The following ZFHX3 variants were observed in gnomAD, a reference collection of about 807,000 sequenced individuals.
ZFHX3 encodes zinc finger homeobox 3.
Under a neutral mutation model 279.1 loss-of-function variants are expected in ZFHX3, and 42 were observed. The observed-to-expected ratio is 0.15, with a 90% CI of 0.12 to 0.19. The LOEUF is 0.19. ZFHX3 is among the 10% of genes least tolerant of loss of function. ZFHX3 has a pLI of 1.00. For missense variants in ZFHX3, 4,981 were observed against 4,754.0 expected (o/e 1.05, Z -1.40); for synonymous variants, 2,293 against 1,957.8 (o/e 1.17, Z -4.52).
At chr16:73,527,207 C>T (rs1336997152) in intron 2 of ZFHX3, among the ~76,000 whole-genome samples, 1 of 152,062 alleles carries the variant, frequency 6.6e-6, no homozygotes, top group Non-Finnish European at 1.5e-5. Flanking sequence ...AATCCATCAA[C>T]GTCTATTCAA....
chr16:73,785,349 T>A (rs1416420422), intron 1 of ZFHX3, among the ~76,000 whole-genome samples: 3 of 152,212 alleles, frequency 2.0e-5, no homozygotes, highest in Non-Finnish European at 2.9e-5. Context: ...TTCTTCCACA[T>A]AAATGAATTT....
intron 4 of ZFHX3, among the ~76,000 whole-genome samples, chr16:73,317,939 C>A (rs937257693): frequency 6.6e-6 from 1 of 152,118 alleles, no homozygotes; most frequent in African/African-American, 2.4e-5. Flanking sequence ...GTGATACTGA[C>A]AATTAAGGCA....
intron 8 of ZFHX3, among the ~76,000 whole-genome samples, chr16:73,070,924 G>A (rs934646372): frequency 3.1e-5 from 1 of 31,896 alleles, no homozygotes; most frequent in African/African-American, 8.4e-5. Context: ...TTGCGCGCGC[G>A]CGCGCGCGCG....
intron 1 of ZFHX3, among the ~76,000 whole-genome samples, chr16:73,708,035 T>G (rs543772664): frequency 6.9e-6 from 1 of 145,680 alleles, no homozygotes; most frequent in South Asian, 2.3e-4. Context: ...TTAATCCCTG[T>G]GGTTTTTGTG....
chr16:73,672,152 C>A (rs542346407), intron 2 of ZFHX3, among the ~76,000 whole-genome samples: 1 of 152,124 alleles, frequency 6.6e-6, no homozygotes, highest in South Asian at 2.1e-4. Context: ...CAGATCAAAT[C>A]AATTAGAAAA....
chr16:73,833,969 G>A (rs890224233), intron 1 of ZFHX3, among the ~76,000 whole-genome samples: 1 of 151,850 alleles, frequency 6.6e-6, no homozygotes, highest in African/African-American at 2.4e-5. Context: ...GTTTGAAAAA[G>A]GATGAAGAAA....
intron 3 of ZFHX3, chr16:73,389,377 T>A (rs1192305955): frequency 1.3e-5 from 2 of 152,250 alleles, no homozygotes; most frequent in East Asian, 3.8e-4. Flanking sequence ...AAATGTTTGC[T>A]GCCCTCTAGT....
intron 1 of ZFHX3, among the ~76,000 whole-genome samples, chr16:73,833,447 C>T (rs913772497): frequency 6.6e-6 from 1 of 152,150 alleles, no homozygotes. Context: ...AACTCACAGT[C>T]TTAATCAACT....
intron 2 of ZFHX3, among the ~76,000 whole-genome samples, chr16:73,477,941 C>T (rs1195885519): frequency 6.6e-6 from 1 of 152,148 alleles, no homozygotes; most frequent in Non-Finnish European, 1.5e-5. Context: ...CCCCTCCTGG[C>T]TTATTTTGTT....
intron 4 of ZFHX3, among the ~76,000 whole-genome samples, chr16:72,843,623 A>C (rs2037404472): frequency 6.6e-6 from 1 of 150,876 alleles, no homozygotes; most frequent in Admixed American, 6.6e-5. Flanking sequence ...GCTCGGGGTG[A>C]CGCTTACACA....
chr16:72,840,048 C>T (rs2037306893), intron 4 of ZFHX3, among the ~76,000 whole-genome samples: 1 of 151,964 alleles, frequency 6.6e-6, no homozygotes, highest in African/African-American at 2.4e-5. Flanking sequence ...TTAACAGTTT[C>T]CATTAAAGAA....
rs550929883 is a variant in ZFHX3, at chr16:73,664,138, G to A, written c.-1547+16042C>T. Among the ~76,000 whole-genome samples the A allele has an allele frequency of 2.0e-4, 30 of 152,348 alleles. No homozygotes were observed. The South Asian group carries it at 5.8e-3, about 29-fold the overall frequency. On this transcript the variant is annotated intron_variant, in intron 2 of 17. Transcript: ENST00000641206. Reference sequence around the variant, plus strand: ...TGAGAAAAAGAAAACTCTTTTGCAAGTCAGTTTTCCAAACTGAACCAGGCA... The same window carrying A: ...TGAGAAAAAGAAAACTCTTTTGCAAATCAGTTTTCCAAACTGAACCAGGCA...
rs1343752478 is a variant in ZFHX3, at chr16:72,960,160, G to A, written c.-15C>T. The A allele has an allele frequency of 6.5e-7, 1 of 1,547,064 alleles. No homozygotes were observed. Among genetic ancestry groups the A allele is most frequent in the Non-Finnish European group, 8.7e-7 (1 of 1,144,760 alleles). ...CAGCCTTCCATGGTAAGGCCTGCGTGGAGCTTTCATTGCACCCAGTACGGA... is the reference window on the plus strand; with the variant it reads ...CAGCCTTCCATGGTAAGGCCTGCGTAGAGCTTTCATTGCACCCAGTACGGA... On this transcript the variant is annotated 5_prime_UTR_variant, in exon 2 of 10. Transcript: ENST00000268489.
chr16:73,311,973 C>G (rs895854746), intron 4 of ZFHX3, among the ~76,000 whole-genome samples: 2 of 152,066 alleles, frequency 1.3e-5, no homozygotes, highest in African/African-American at 4.8e-5. Flanking sequence ...ACTTAGGACA[C>G]CTTAACAAAA....
intron 5 of ZFHX3, among the ~76,000 whole-genome samples, chr16:73,179,871 C>T (rs1967753064): frequency 6.6e-6 from 1 of 152,096 alleles, no homozygotes; most frequent in South Asian, 2.1e-4. Context: ...ACCCACTGAC[C>T]CCTGACCACA....
intron 4 of ZFHX3, among the ~76,000 whole-genome samples, chr16:72,884,519 T>C (rs770161971): frequency 5.0e-4 from 76 of 152,298 alleles, no homozygotes; most frequent in Non-Finnish European, 8.2e-4. Context: ...TTATATATAA[T>C]AGGTCGTCAA....
intron 5 of ZFHX3, among the ~76,000 whole-genome samples, chr16:73,165,233 A>T (rs1967332469): frequency 6.6e-6 from 1 of 152,212 alleles, no homozygotes; most frequent in African/African-American, 2.4e-5. Context: ...CCCAACCCGG[A>T]TGCAAAACAC....
rs143771112 is a variant in ZFHX3 at position 73,665,419 on chromosome 16, G to A, written c.-1547+14761C>T. The stretch of plus-strand genomic sequence containing the variant: ...AGTAGAGACGGGGTTCCACCATGTT[G>A]GCCAGGCTGGCCTCGAACTCCTGAC... On this transcript the variant is annotated intron_variant, in intron 2 of 17. Coordinates refer to the ZFHX3 transcript ENST00000641206. 1.0e-2 allele frequency among the ~76,000 whole-genome samples: 1,517 copies of A among 151,780 alleles called. 42 individuals are homozygous for A. Among genetic ancestry groups the A allele is most frequent in the African/African-American group, 0.033 (1,366 of 41,188 alleles).
intron 5 of ZFHX3, among the ~76,000 whole-genome samples, chr16:73,147,163 G>A (rs1265733496): frequency 6.6e-6 from 1 of 152,164 alleles, no homozygotes; most frequent in African/African-American, 2.4e-5. Flanking sequence ...ATGGGGAGAC[G>A]TTGGCATGAC....
Sources: gnomAD v4.1 joint callset for allele counts (sites outside exome capture counted in the v4.1 genomes callset) on GRCh38, gnomAD v4.1.1 for gene constraint, MANE v1.5 for transcripts, NCBI Gene and HGNC (gene_info 2026-07-23, HGNC 2026-07-21) for gene names.